Variants in NIPAL3 observed in about 807,000 individuals in gnomAD.
NIPAL3 encodes the protein NIPA-like protein 3.
A neutral mutation model predicts 47.2 loss-of-function variants in NIPAL3; 41 were observed. The observed-to-expected ratio is 0.87, with a 90% confidence interval of 0.68 to 1.13. NIPAL3 has a LOEUF of 1.13. NIPAL3 is among the 50% of genes most tolerant of loss of function. The probability of loss-of-function intolerance (pLI) is 0.00; values close to 1 mark genes in which losing one functional copy is unlikely to be tolerated. For missense variants in NIPAL3, 449 were observed against 530.1 expected (o/e 0.85, Z 1.50); for synonymous variants, 194 against 209.6 (o/e 0.93, Z 0.64).
rs1485228943 is a variant in NIPAL3, at chr1:24,454,307, G to T, written c.637+803G>T. 4 of 1,147,670 alleles carry T rather than the reference G, an allele frequency of 3.5e-6. No individual in the cohort carries two copies. Among genetic ancestry groups the T allele is most frequent in the African/African-American group, 1.6e-5 (1 of 60,608 alleles). The allele number at this position is 1,147,670 out of a possible 1,614,324, so 71.1% of individuals were successfully genotyped here. A position where few individuals can be genotyped will look rare whatever the true frequency, so the allele number is the denominator to read the frequency against. On this transcript the variant is annotated intron_variant, in intron 7 of 11. Coordinates refer to ENST00000374399, the MANE Select transcript of NIPAL3 (RefSeq NM_020448.5). The surrounding 1 kb of genome is among the most constrained non-coding windows in gnomAD (Gnocchi z 4.1). Reference sequence around the variant, plus strand: ...GTCAGGGCTGGTGAAGCCTGCTACCGCGCTGCTCTTGAGTGGCCTCAGGCT... The same window carrying T: ...GTCAGGGCTGGTGAAGCCTGCTACCTCGCTGCTCTTGAGTGGCCTCAGGCT...
chr1:24,460,512 G>T lies in NIPAL3; in HGVS notation c.894G>T (p.Glu298Asp). The part of the protein sequence containing the change: ...GAIFYLDFIG[E>D]DVLHICMFAL... ...TATTTTACCTGGACTTCATCGGGGAGGACGTGCTGCACATCTGCATGTTTG... is the reference window on the plus strand; with the variant it reads ...TATTTTACCTGGACTTCATCGGGGATGACGTGCTGCACATCTGCATGTTTG... The change falls in exon 10 of 12, where the codon GAG becomes GAT. Residue 298 changes from glutamate to aspartate, a missense_variant. Physicochemically the swap from Glu to Asp is conservative, Grantham distance 45. Coordinates refer to ENST00000374399, the MANE Select transcript of NIPAL3 (RefSeq NM_020448.5). The T allele has an allele frequency of 6.3e-7, 1 of 1,585,866 alleles. No homozygotes were observed. Among genetic ancestry groups the T allele is most frequent in the Non-Finnish European group, 8.6e-7 (1 of 1,169,144 alleles).
intron 2 of NIPAL3, among the ~76,000 whole-genome samples, chr1:24,433,831 A>G (rs1049146496): frequency 1.4e-4 from 21 of 152,146 alleles, no homozygotes; most frequent in Admixed American, 3.3e-4. Flanking sequence ...GATGGGAACT[A>G]TATAGGAGCA....
At position 24,415,829 on chromosome 1, in the gene NIPAL3, G is replaced by T; in HGVS notation, c.-333G>T. 1.2e-5 allele frequency: 12 copies of T among 985,460 alleles called. No individual in the cohort carries two copies. Among genetic ancestry groups the T allele is most frequent in the Non-Finnish European group, 1.4e-5 (12 of 829,936 alleles). The allele number at this position is 985,460 out of a possible 1,614,324, so 61.0% of individuals were successfully genotyped here. On this transcript the variant is annotated 5_prime_UTR_variant, in exon 1 of 12. Transcript: ENST00000374399. Reference sequence around the variant, plus strand: ...ATTGGGAAGGGATGAAGGAGGCTGTGCCTCCGGGTTGCACGAAGAGTCCGA... The same window carrying T: ...ATTGGGAAGGGATGAAGGAGGCTGTTCCTCCGGGTTGCACGAAGAGTCCGA...
intron 8 of NIPAL3, 96 bp from the exon 9 acceptor site, chr1:24,458,792 A>G (rs1646339189): frequency 3.4e-6 from 3 of 894,274 alleles, no homozygotes; most frequent in South Asian, 2.7e-5. Flanking sequence ...TCCTAAATGT[A>G]TCATCTTCAT....
At chr1:24,424,286 G>T (rs1356905046) in intron 2 of NIPAL3, among the ~76,000 whole-genome samples, 1 of 152,140 alleles carries the variant, frequency 6.6e-6, no homozygotes, top group Non-Finnish European at 1.5e-5. Context: ...TTGGGTGTAT[G>T]GTACAACCCT....
chr1:24,472,672 G>GA lies in NIPAL3; in HGVS notation c.*3490dup, dbSNP rs1646943598. ...CTGACTCTCCATTGCTTTTCTAGTG[G>GA]AAACCAGCCAGTTTGACGGCACGGT... On this transcript the variant is annotated 3_prime_UTR_variant, in exon 12 of 12. Coordinates refer to ENST00000374399, the MANE Select transcript of NIPAL3 (RefSeq NM_020448.5). 1 of 152,122 alleles carries GA rather than the reference G, an allele frequency of 6.6e-6. No homozygotes were observed. Among genetic ancestry groups the GA allele is most frequent in the South Asian group, 2.1e-4 (1 of 4,828 alleles). 9.4% of individuals were successfully genotyped at this position (152,122 alleles called of 1,614,324 possible). A position where few individuals can be genotyped will look rare whatever the true frequency, so the allele number is the denominator to read the frequency against.
intron 7 of NIPAL3, 51 bp downstream of exon 7, chr1:24,453,555 A>G: frequency 7.0e-7 from 1 of 1,427,632 alleles, no homozygotes. Context: ...GAAGCACCAA[A>G]TGGAAATGTG....
intron 2 of NIPAL3, among the ~76,000 whole-genome samples, chr1:24,431,784 A>G (rs945012716): frequency 1.3e-5 from 2 of 151,864 alleles, no homozygotes; most frequent in African/African-American, 4.8e-5. Flanking sequence ...CTCTTCCTCA[A>G]AAGTACTTGC....
intron 10 of NIPAL3, among the ~76,000 whole-genome samples, chr1:24,463,761 C>T (rs986338388): frequency 1.3e-5 from 2 of 152,158 alleles, no homozygotes; most frequent in African/African-American, 4.8e-5. Context: ...ATGAGAAGCT[C>T]GCCCAGGAGA....
intron 4 of NIPAL3, among the ~76,000 whole-genome samples, chr1:24,444,061 A>G (rs575073381): frequency 6.6e-6 from 1 of 152,032 alleles, no homozygotes; most frequent in Non-Finnish European, 1.5e-5. Flanking sequence ...ATAAAACTTC[A>G]GATATCAGCC....
chr1:24,425,951 C>T (rs1187514922), intron 2 of NIPAL3, among the ~76,000 whole-genome samples: 2 of 152,140 alleles, frequency 1.3e-5, no homozygotes, highest in African/African-American at 4.8e-5. Flanking sequence ...CTTTCATAGC[C>T]AATTAACAAT....
intron 7 of NIPAL3, 94 bp downstream of exon 7, chr1:24,453,598 C>A: frequency 1.0e-6 from 1 of 999,080 alleles, no homozygotes; most frequent in South Asian, 1.4e-5. Context: ...CCGCTGGGCA[C>A]AGAAGTTGCT....
chr1:24,465,922 C>T, intron 11 of NIPAL3: 1 of 1,470,310 alleles, frequency 6.8e-7, no homozygotes, highest in Non-Finnish European at 9.0e-7. Flanking sequence ...AACTGCTGAA[C>T]AGTCTCAGTC....
intron 2 of NIPAL3, among the ~76,000 whole-genome samples, chr1:24,425,430 A>G (rs6670829): frequency 0.65 from 99,135 of 152,030 alleles, 32,393 homozygotes; most frequent in East Asian, 0.76. Flanking sequence ...TGAACACCCC[A>G]ATATAAATCA....
At chr1:24,440,103 GT>G in intron 2 of NIPAL3, 68 bp from the exon 3 acceptor site, 1 of 1,123,296 alleles carries the variant, frequency 8.9e-7, no homozygotes, top group Non-Finnish European at 1.2e-6. Flanking sequence ...ATGGTTGAGT[GT>G]CAGAAGTGTC....
At chr1:24,424,502 G>C (rs79106262) in intron 2 of NIPAL3, among the ~76,000 whole-genome samples, 5 of 152,210 alleles carry the variant, frequency 3.3e-5, no homozygotes, top group African/African-American at 1.2e-4. Context: ...TTAATTCTGC[G>C]TGGGGATGGG....
intron 2 of NIPAL3, 53 bp downstream of exon 2, chr1:24,419,693 C>T: frequency 6.6e-7 from 1 of 1,508,930 alleles, no homozygotes; most frequent in Non-Finnish European, 9.1e-7. Context: ...AAGGAAGTTA[C>T]ACAGTGCTCT....
intron 7 of NIPAL3, among the ~76,000 whole-genome samples, 169 bp downstream of exon 7, chr1:24,453,673 G>A (rs867911482): frequency 1.3e-5 from 2 of 152,200 alleles, no homozygotes; most frequent in Middle Eastern, 3.4e-3. Context: ...CTGCTGACCG[G>A]AGGCAAACTC....
At chr1:24,468,489 T>C (rs2148869815) in intron 11 of NIPAL3, among the ~76,000 whole-genome samples, 1 of 152,302 alleles carries the variant, frequency 6.6e-6, no homozygotes, top group South Asian at 2.1e-4. Context: ...CACCTTCCCC[T>C]ATAAGTGGAC....
Sources: gnomAD v4.1 joint callset for allele counts (sites outside exome capture counted in the v4.1 genomes callset) on GRCh38, gnomAD v4.1.1 for gene constraint, Gnocchi (gnomAD v3.1) non-coding constraint, MANE v1.5 for transcripts, NCBI Gene and HGNC (gene_info 2026-07-23, HGNC 2026-07-21) for gene names.